The following ST3GAL6 variants were observed in gnomAD, a reference collection of about 807,000 sequenced individuals.
The protein encoded by ST3GAL6 is ST3 beta-galactoside alpha-2,3-sialyltransferase 6, also known as type 2 lactosamine alpha-2,3-sialyltransferase.
Under a neutral mutation model 40.5 loss-of-function variants are expected in ST3GAL6, and 31 were observed. That is an observed-to-expected ratio of 0.77 (90% CI 0.58 to 1.03). The LOEUF (loss-of-function observed/expected upper bound fraction) is 1.03, where lower values mean the gene tolerates loss of function less well. Ranked by LOEUF, ST3GAL6 falls within the 50% of genes least tolerant of loss-of-function variation. The pLI, the probability that ST3GAL6 is intolerant of heterozygous loss-of-function variation, is 0.00. For synonymous variants in ST3GAL6, 129 were observed against 136.9 expected (o/e 0.94, Z 0.40); for missense variants, 357 against 393.2 (o/e 0.91, Z 0.78).
At chr3:98,749,640 T>G (rs942281692) in intron 1 of ST3GAL6, among the ~76,000 whole-genome samples, 1 of 152,226 alleles carries the variant, frequency 6.6e-6, no homozygotes, top group African/African-American at 2.4e-5. Flanking sequence ...TGAAATGTTA[T>G]TTATAACTTT....
intron 1 of ST3GAL6, among the ~76,000 whole-genome samples, chr3:98,766,847 G>A (rs1236728670): frequency 6.6e-6 from 1 of 152,190 alleles, no homozygotes; most frequent in Non-Finnish European, 1.5e-5. Context: ...GGTAGATGGT[G>A]TGTTCTCACT....
intron 1 of ST3GAL6, among the ~76,000 whole-genome samples, chr3:98,741,608 G>A (rs1377946196): frequency 7.9e-5 from 12 of 152,100 alleles, no homozygotes; most frequent in African/African-American, 1.4e-4. Context: ...AGGACAGGCC[G>A]TAGGAGCCAG....
chr3:98,773,763 C>T (rs1374312160), intron 4 of ST3GAL6, among the ~76,000 whole-genome samples, 157 bp from the exon 5 acceptor site: 1 of 152,014 alleles, frequency 6.6e-6, no homozygotes, highest in Non-Finnish European at 1.5e-5. Context: ...TGAAGTAGTG[C>T]TGGCTAATTG....
intron 3 of ST3GAL6, 32 bp downstream of exon 3, chr3:98,770,988 C>T (rs758155981): frequency 2.6e-5 from 41 of 1,601,930 alleles, no homozygotes; most frequent in Non-Finnish European, 3.5e-5. Flanking sequence ...CTGTGGCATA[C>T]AAAATATTCT....
At chr3:98,766,646 C>T (rs374494427) in intron 1 of ST3GAL6, among the ~76,000 whole-genome samples, 7 of 152,222 alleles carry the variant, frequency 4.6e-5, no homozygotes, top group South Asian at 2.1e-4. Context: ...TGGTATTGAA[C>T]TCCTGACCTC....
intron 5 of ST3GAL6, among the ~76,000 whole-genome samples, chr3:98,774,266 A>G (rs111900164): frequency 6.6e-6 from 1 of 152,244 alleles, no homozygotes; most frequent in African/African-American, 2.4e-5. Flanking sequence ...AGTTGTTCCT[A>G]CTTAAGAATT....
chr3:98,749,522 A>G (rs1252063800), intron 1 of ST3GAL6, among the ~76,000 whole-genome samples: 2 of 152,326 alleles, frequency 1.3e-5, no homozygotes, highest in African/African-American at 4.8e-5. Context: ...AAGGTAAGGG[A>G]AAAAAATCAG....
intron 8 of ST3GAL6, among the ~76,000 whole-genome samples, chr3:98,789,104 T>G (rs1940995339): frequency 1.3e-5 from 2 of 152,240 alleles, no homozygotes; most frequent in Non-Finnish European, 2.9e-5. Context: ...GTGGCAGAGA[T>G]ATTTTTTACT....
intron 2 of ST3GAL6, 39 bp downstream of exon 2, chr3:98,768,568 T>C (rs777222107): frequency 6.9e-7 from 1 of 1,456,276 alleles, no homozygotes; most frequent in Non-Finnish European, 9.6e-7. Flanking sequence ...ACTCTCAACC[T>C]AGTCTTTCAC....
chr3:98,755,969 G>T (rs1303852710), intron 1 of ST3GAL6, among the ~76,000 whole-genome samples: 1 of 151,830 alleles, frequency 6.6e-6, no homozygotes, highest in Non-Finnish European at 1.5e-5. Flanking sequence ...CTCTTCTAAT[G>T]ATTTTCAGAG....
intron 5 of ST3GAL6, among the ~76,000 whole-genome samples, chr3:98,779,540 A>G (rs986572827): frequency 3.3e-5 from 5 of 152,218 alleles, no homozygotes; most frequent in African/African-American, 1.2e-4. Flanking sequence ...CACATCATAG[A>G]TCATTTGAAA....
At chr3:98,733,759 C>G (rs1015514101) in intron 1 of ST3GAL6, among the ~76,000 whole-genome samples, 2 of 151,476 alleles carry the variant, frequency 1.3e-5, no homozygotes, top group African/African-American at 4.8e-5. Context: ...GCCCAGAAAC[C>G]AAAAACAAAC....
chr3:98,738,366 T>A (rs1935753525), intron 1 of ST3GAL6, among the ~76,000 whole-genome samples: 1 of 152,000 alleles, frequency 6.6e-6, no homozygotes, highest in Non-Finnish European at 1.5e-5. Flanking sequence ...CTCAGCCTCA[T>A]GGGCACAAGC....
intron 1 of ST3GAL6, among the ~76,000 whole-genome samples, chr3:98,746,392 T>C (rs565049340): frequency 1.5e-3 from 234 of 152,238 alleles, no homozygotes; most frequent in Non-Finnish European, 2.8e-3. Flanking sequence ...ACGTTTTTCA[T>C]TGGGAGCCCA....
chr3:98,782,322 G>A (rs558723933), intron 5 of ST3GAL6: 1 of 703,308 alleles, frequency 1.4e-6, no homozygotes, highest in Non-Finnish European at 2.6e-6. Flanking sequence ...GCTAATTGAT[G>A]TATGCAAGAT....
intron 1 of ST3GAL6, among the ~76,000 whole-genome samples, chr3:98,737,799 G>A (rs1001121135): frequency 6.6e-6 from 1 of 152,118 alleles, no homozygotes; most frequent in African/African-American, 2.4e-5. Flanking sequence ...AGAAAAGTCT[G>A]GCAAGCAAAT....
At chr3:98,773,154 T>C (rs945991910) in intron 4 of ST3GAL6, 3 of 262,016 alleles carry the variant, frequency 1.1e-5, no homozygotes, top group African/African-American at 6.7e-5. Flanking sequence ...GAAACTACTT[T>C]TTACATTTGC....
upstream of ST3GAL6, chr3:98,762,685 ATAT>A (rs563179444): frequency 5.0e-6 from 3 of 598,476 alleles, no homozygotes; most frequent in Non-Finnish European, 6.3e-6. Context: ...TTTTTAAAAG[ATAT>A]TATTAAATGA....
Position 98,773,959 on chromosome 3 carries a change from G to A in ST3GAL6, c.311G>A (p.Cys104Tyr), listed in dbSNP as rs753271425. Residue 104 changes from cysteine (C) to tyrosine (Y), a missense_variant, in exon 5 of 10, where the codon TGT (cysteine) becomes TAT (tyrosine). Coordinates refer to ENST00000483910, the MANE Select transcript of ST3GAL6 (RefSeq NM_001323368.2). ...FRLALSKLQS[C>Y]DLFDEFDNIP... The stretch of plus-strand genomic sequence containing the variant: ...CTTGCTCTTTCAAAACTGCAGAGTT[G>A]TGATCTCTTTGATGAGTTTGACAAG... The A allele has an allele frequency of 1.9e-6, 3 of 1,613,302 alleles. No homozygotes were observed. The highest frequency in any genetic ancestry group is 2.5e-6 in the Non-Finnish European group (3 of 1,179,546).
Sources: allele counts gnomAD v4.1 joint callset (sites outside exome capture counted in the v4.1 genomes callset), GRCh38; gene constraint gnomAD v4.1.1; transcripts MANE v1.5; gene names NCBI Gene and HGNC (gene_info 2026-07-23, HGNC 2026-07-21).